Variants in LUZP2 observed in about 807,000 individuals in gnomAD.
The protein encoded by LUZP2 is leucine zipper protein 2.
LUZP2 carries 52 observed loss-of-function variants against 51.6 expected under a neutral mutation model. That is an observed-to-expected ratio of 1.01 (90% CI 0.81 to 1.27). LUZP2 has a LOEUF of 1.27. LUZP2 is among the 50% of genes most tolerant of loss of function. LUZP2 has a pLI of 0.00. For missense variants in LUZP2, 436 were observed against 395.4 expected (o/e 1.10, Z -0.87); for synonymous variants, 154 against 137.3 (o/e 1.12, Z -0.85).
chr11:25,031,013 ATAT>A (rs1442288258), intron 9 of LUZP2, among the ~76,000 whole-genome samples: 2 of 4,306 alleles, frequency 4.6e-4, no homozygotes, highest in Non-Finnish European at 1.0e-3. Flanking sequence ...ATATATATAT[ATAT>A]TTTTTTTTTT....
intron 1 of LUZP2, among the ~76,000 whole-genome samples, chr11:24,640,950 T>C (rs944566145): frequency 6.8e-6 from 1 of 147,294 alleles, no homozygotes; most frequent in African/African-American, 2.5e-5. Flanking sequence ...TGTGTATATC[T>C]ATATCTGTAT....
intron 1 of LUZP2, among the ~76,000 whole-genome samples, chr11:24,653,100 G>T (rs775063448): frequency 2.0e-5 from 3 of 152,064 alleles, no homozygotes; most frequent in Non-Finnish European, 4.4e-5. Context: ...TTCTAAGATG[G>T]TAAGCACTTA....
intron 7 of LUZP2, among the ~76,000 whole-genome samples, chr11:24,957,450 GA>G (rs902678288): frequency 1.3e-5 from 2 of 151,550 alleles, no homozygotes; most frequent in South Asian, 2.1e-4. Flanking sequence ...AGACCTCCAA[GA>G]AAAAAAATCA....
At chr11:24,613,498 T>A (rs921828822) in intron 1 of LUZP2, among the ~76,000 whole-genome samples, 13 of 152,112 alleles carry the variant, frequency 8.5e-5, no homozygotes, top group African/African-American at 2.9e-4. Flanking sequence ...AACTTTTTTT[T>A]AATTTCAGCT....
chr11:24,777,295 TAA>T (rs1285424885), intron 5 of LUZP2, among the ~76,000 whole-genome samples: 1 of 152,046 alleles, frequency 6.6e-6, no homozygotes, highest in East Asian at 1.9e-4. Context: ...GCCCGGCCTG[TAA>T]GTAGTCTTTA....
intron 5 of LUZP2, among the ~76,000 whole-genome samples, chr11:24,769,459 T>G (rs1052828032): frequency 4.6e-5 from 7 of 152,198 alleles, no homozygotes; most frequent in African/African-American, 1.7e-4. Flanking sequence ...ACTTGATAAT[T>G]ACACAATCTA....
intron 4 of LUZP2, among the ~76,000 whole-genome samples, chr11:24,758,466 T>C (rs552888635): frequency 6.6e-6 from 1 of 152,130 alleles, no homozygotes; most frequent in Non-Finnish European, 1.5e-5. Flanking sequence ...TTGGTAAAGA[T>C]TCAAATAAAA....
At chr11:24,510,076 G>C (rs1179726247) in intron 1 of LUZP2, among the ~76,000 whole-genome samples, 1 of 152,120 alleles carries the variant, frequency 6.6e-6, no homozygotes, top group Non-Finnish European at 1.5e-5. Flanking sequence ...TAGATGGAGA[G>C]AATTTTAGTA....
intron 7 of LUZP2, among the ~76,000 whole-genome samples, chr11:24,974,304 A>T (rs1369012615): frequency 6.6e-6 from 1 of 151,746 alleles, no homozygotes; most frequent in Non-Finnish European, 1.5e-5. Flanking sequence ...TCCTCCATCC[A>T]TTTATTTTGA....
chr11:24,876,959 C>G (rs1852290400), intron 5 of LUZP2, among the ~76,000 whole-genome samples: 1 of 152,116 alleles, frequency 6.6e-6, no homozygotes, highest in South Asian at 2.1e-4. Flanking sequence ...AACAGAGTCA[C>G]AACACCTGAC....
At chr11:24,971,063 C>G (rs1855723441) in intron 7 of LUZP2, among the ~76,000 whole-genome samples, 3 of 152,100 alleles carry the variant, frequency 2.0e-5, no homozygotes, top group Non-Finnish European at 4.4e-5. Context: ...CTAAATGCTA[C>G]ATATTCTCAC....
rs376539029 is a variant in LUZP2, at chr11:24,721,475, T to G, written c.63-7694T>G. ...TTATAGTATCAATTCTGTTGAGCACTGTAGAATAGGTTTTTAATTCTTGAT... is the reference window on the plus strand; with the variant it reads ...TTATAGTATCAATTCTGTTGAGCACGGTAGAATAGGTTTTTAATTCTTGAT... On this transcript the variant is annotated intron_variant, in intron 1 of 11. Transcript: ENST00000336930. 5.3e-5 allele frequency among the ~76,000 whole-genome samples: 8 copies of G among 152,286 alleles called. No individual in the cohort carries two copies. The East Asian group carries it at 7.7e-4, about 15-fold the overall frequency.
At chr11:24,498,612 A>G (rs1358018030) in intron 1 of LUZP2, among the ~76,000 whole-genome samples, 2 of 152,226 alleles carry the variant, frequency 1.3e-5, no homozygotes, top group Non-Finnish European at 2.9e-5. Context: ...TAAAGTGCAG[A>G]TGGTTTTAAA....
chr11:24,854,283 C>T (rs1851484737), intron 5 of LUZP2, among the ~76,000 whole-genome samples: 1 of 152,214 alleles, frequency 6.6e-6, no homozygotes, highest in South Asian at 2.1e-4. Context: ...AAGTACCTGA[C>T]TGAGGCTGCT....
intron 7 of LUZP2, among the ~76,000 whole-genome samples, chr11:24,927,131 G>T (rs1385591822): frequency 1.3e-5 from 2 of 150,016 alleles, no homozygotes; most frequent in Non-Finnish European, 3.0e-5. Flanking sequence ...ATTTGTTTGA[G>T]TTCCTCATAG....
intron 6 of LUZP2, among the ~76,000 whole-genome samples, chr11:24,908,143 C>A (rs1853514629): frequency 6.6e-6 from 1 of 151,888 alleles, no homozygotes; most frequent in African/African-American, 2.4e-5. Context: ...ATGGAGATTG[C>A]CTGTTAGATC....
chr11:25,036,570 A>AATTTGAG (rs1857869344), intron 9 of LUZP2, among the ~76,000 whole-genome samples: 1 of 151,530 alleles, frequency 6.6e-6, no homozygotes, highest in Admixed American at 6.6e-5. Flanking sequence ...TTAGATTGCT[A>AATTTGAG]ATTTGAGATT....
At chr11:24,872,202 A>G (rs1304637764) in intron 5 of LUZP2, among the ~76,000 whole-genome samples, 1 of 152,044 alleles carries the variant, frequency 6.6e-6, no homozygotes, top group African/African-American at 2.4e-5. Flanking sequence ...TTATCGGTGA[A>G]TTTTTCTCAG....
intron 1 of LUZP2, among the ~76,000 whole-genome samples, chr11:24,546,375 T>C (rs552359936): frequency 6.6e-6 from 1 of 152,066 alleles, no homozygotes; most frequent in Non-Finnish European, 1.5e-5. Flanking sequence ...TCAAGGGAAA[T>C]GCTTCCAGCT....
Sources: allele counts gnomAD v4.1 joint callset (sites outside exome capture counted in the v4.1 genomes callset), GRCh38; gene constraint gnomAD v4.1.1; transcripts MANE v1.5; gene names NCBI Gene and HGNC (gene_info 2026-07-23, HGNC 2026-07-21).